MEX3C: variants seen among roughly 807,000 people sequenced by gnomAD.
MEX3C encodes mex-3 RNA binding family member C.
MEX3C carries 15 observed loss-of-function variants against 35.5 expected under a neutral mutation model. The ratio of observed to expected loss-of-function variants is 0.42; its 90% CI spans 0.28 to 0.65. MEX3C has a LOEUF of 0.65. MEX3C is among the 30% of genes least tolerant of loss of function. The probability of loss-of-function intolerance (pLI) is 0.20; values close to 1 mark genes in which losing one functional copy is unlikely to be tolerated. For missense variants in MEX3C, 711 were observed against 842.8 expected, an observed-to-expected ratio of 0.84 and a Z score of 1.94; for synonymous variants, 390 against 352.8, an observed-to-expected ratio of 1.11 and a Z score of -1.18.
rs779099090 is a variant in MEX3C at position 51,176,819 on chromosome 18, T to C, written c.1512A>G (p.Thr504=). The part of the protein sequence containing the change: ...VDSPAFDSLP[T]SAQTIWTPFE... ...ATGGAGTCCAGATAGTTTGAGCAGA[T>C]GTTGGTAAAGAGTCAAAGGCAGGAG... Residue 504 remains threonine, a synonymous_variant, in exon 2 of 2, where the codon ACA becomes ACG. Transcript: ENST00000406189. The C allele has an allele frequency of 1.1e-5, 17 of 1,613,802 alleles. No homozygotes were observed. In the South Asian group the frequency reaches 1.2e-4, roughly 11 times the overall value.
In MEX3C at chr18:51,191,246, G is replaced by C. The variant is rs1237501243; in HGVS notation, c.754+5321C>G. Among the ~76,000 whole-genome samples the C allele has an allele frequency of 3.9e-5, 6 of 152,280 alleles. No homozygotes were observed. The East Asian group carries it at 1.2e-3, about 29-fold the overall frequency. ...CTTTCTCAGCCTTTTGAAGTTAGGT[G>C]TGGCCAGATGATTTGCTTTAATGAA... On this transcript the variant is annotated intron_variant, in intron 1 of 1. Coordinates refer to ENST00000406189, the MANE Select transcript of MEX3C (RefSeq NM_016626.5).
Position 51,193,543 on chromosome 18 carries a change from G to A in MEX3C, c.754+3024C>T, listed in dbSNP as rs1912704913. On this transcript the variant is annotated intron_variant, in intron 1 of 1. Coordinates refer to ENST00000406189, the MANE Select transcript of MEX3C (RefSeq NM_016626.5). ...AGGTACTATACTTAAAAACAGAGAC[G>A]TTCTAAGTTTATAAAATTAGGTCTT... 4 of 152,058 alleles carry A rather than the reference G, an allele frequency of 2.6e-5. No individual in the cohort carries two copies. The South Asian group carries it at 8.3e-4, about 32-fold the overall frequency. 9.4% of individuals were successfully genotyped at this position (152,058 alleles called of 1,614,324 possible).
intron 1 of MEX3C, among the ~76,000 whole-genome samples, chr18:51,180,994 C>T (rs1018680877): frequency 1.2e-4 from 18 of 152,066 alleles, no homozygotes; most frequent in African/African-American, 4.1e-4. Flanking sequence ...GGGGACTACT[C>T]GAATAGATAC....
Position 51,197,114 on chromosome 18 carries a change from C to A in MEX3C, c.207G>T (p.Ala69=), listed in dbSNP as rs1912826339. 5.4e-6 allele frequency: 6 copies of A among 1,120,434 alleles called. No homozygotes were observed. The highest frequency in any genetic ancestry group is 8.5e-5 in the South Asian group (2 of 23,408). The allele number at this position is 1,120,434 out of a possible 1,614,324, so 69.4% of individuals were successfully genotyped here. A position where few individuals can be genotyped will look rare whatever the true frequency, so the allele number is the denominator to read the frequency against. ...DPSPAEPGAP[A]LRAPAAAAQG... Reference sequence around the variant, plus strand: ...GCGCCGCCGCTGCCGGGGCCCGAAGCGCCGGGGCGCCGGGCTCCGCCGGGC... The same window carrying A: ...GCGCCGCCGCTGCCGGGGCCCGAAGAGCCGGGGCGCCGGGCTCCGCCGGGC... Residue 69 remains alanine, a synonymous_variant, in exon 1 of 2, where the codon GCG becomes GCT. Coordinates refer to ENST00000406189, the MANE Select transcript of MEX3C (RefSeq NM_016626.5).
chr18:51,191,697 A>G (rs1912652485), intron 1 of MEX3C, among the ~76,000 whole-genome samples: 1 of 152,218 alleles, frequency 6.6e-6, no homozygotes, highest in African/African-American at 2.4e-5. Flanking sequence ...TAGCACTTAC[A>G]GTTTCATATA....
intron 1 of MEX3C, among the ~76,000 whole-genome samples, chr18:51,185,747 G>C (rs1912523326): frequency 6.6e-6 from 1 of 152,102 alleles, no homozygotes; most frequent in East Asian, 1.9e-4. Flanking sequence ...CATTGGAATA[G>C]GTGAAGGGAT....
At chr18:51,195,604 T>C (rs548191581) in intron 1 of MEX3C, 2 of 152,250 alleles carry the variant, frequency 1.3e-5, no homozygotes, top group East Asian at 3.9e-4. Flanking sequence ...CTAAACCACA[T>C]TGTCATGCGG....
intron 1 of MEX3C, among the ~76,000 whole-genome samples, chr18:51,178,198 T>C (rs997048351): frequency 9.2e-5 from 14 of 152,150 alleles, no homozygotes; most frequent in African/African-American, 3.1e-4. Context: ...AAGAAACAGA[T>C]ACTGCAGATT....
intron 1 of MEX3C, among the ~76,000 whole-genome samples, chr18:51,190,074 G>A (rs530432545): frequency 1.4e-4 from 22 of 152,164 alleles, no homozygotes; most frequent in African/African-American, 4.8e-4. Flanking sequence ...TATCTTCTCA[G>A]ACTTGATCCT....
intron 1 of MEX3C, among the ~76,000 whole-genome samples, chr18:51,182,017 C>T (rs1912442381): frequency 6.6e-6 from 1 of 152,092 alleles, no homozygotes; most frequent in East Asian, 1.9e-4. Context: ...CATTTCAGCT[C>T]CTTTCAGTCA....
rs1912265210 is a variant in MEX3C, at chr18:51,174,950, G to A, written c.*1401C>T. 1 of 152,492 alleles carries A rather than the reference G, an allele frequency of 6.6e-6. No homozygotes were observed. Among genetic ancestry groups the A allele is most frequent in the Non-Finnish European group, 1.5e-5 (1 of 68,006 alleles). The allele number at this position is 152,492 out of a possible 1,614,324, so 9.4% of individuals were successfully genotyped here. ...TCTACAAGACGGCAGCTAGAGATTA[G>A]GTTTCAATACTGACCATTTACTATC... is the stretch of plus-strand genomic sequence containing the variant. On this transcript the variant is annotated 3_prime_UTR_variant, in exon 2 of 2. Transcript: ENST00000406189.
Position 51,197,089 on chromosome 18 carries a change from GC to G in MEX3C, c.231del (p.Gln78ArgfsTer119). On this transcript the variant is annotated frameshift_variant, in exon 1 of 2. Coordinates refer to ENST00000406189, the MANE Select transcript of MEX3C (RefSeq NM_016626.5). LOFTEE classifies it high-confidence loss of function. ...TCCGCCGCCCGCCGGGCCTGGCCCT[GC>G]GCCGCCGCTGCCGGGGCCCGAAGCG... is the stretch of plus-strand genomic sequence containing the variant. ...APALRAPAAA[A>X]QGQARRAAEL... 1 of 1,216,862 alleles carries G rather than the reference GC, an allele frequency of 8.2e-7. No individual in the cohort carries two copies. The highest frequency in any genetic ancestry group is 1.0e-6 in the Non-Finnish European group (1 of 980,914). 75.4% of individuals were successfully genotyped at this position (1,216,862 alleles called of 1,614,324 possible). A position where few individuals can be genotyped will look rare whatever the true frequency, so the allele number is the denominator to read the frequency against.
chr18:51,178,857 T>G (rs1436468631), intron 1 of MEX3C, among the ~76,000 whole-genome samples: 2 of 141,448 alleles, frequency 1.4e-5, no homozygotes, highest in African/African-American at 5.4e-5. Context: ...TGAAACTCCA[T>G]CTCAAAAAAA....
At chr18:51,181,853 AAT>A (rs1234294330) in intron 1 of MEX3C, among the ~76,000 whole-genome samples, 1 of 152,180 alleles carries the variant, frequency 6.6e-6, no homozygotes, top group African/African-American at 2.4e-5. Flanking sequence ...TTTTCAAATA[AAT>A]ATGATTAAGT....
intron 1 of MEX3C, chr18:51,194,533 A>C (rs558904046): frequency 6.6e-6 from 1 of 152,034 alleles, no homozygotes; most frequent in South Asian, 2.1e-4. Flanking sequence ...TTCTATAAAG[A>C]TTAACAACAT....
Position 51,176,837 on chromosome 18 carries a change from G to A in MEX3C, c.1494C>T (p.Ala498=), listed in dbSNP as rs1269606642. The stretch of plus-strand genomic sequence containing the variant: ...GAGCAGATGTTGGTAAAGAGTCAAA[G>A]GCAGGAGAGTCAACTGCTAGGTCTT... ...GSEDLAVDSP[A]FDSLPTSAQT... Residue 498 remains alanine, a synonymous_variant, in exon 2 of 2, where the codon GCC becomes GCT. Transcript: ENST00000406189. 6.2e-7 allele frequency: 1 copy of A among 1,613,958 alleles called. No homozygotes were observed. The highest frequency in any genetic ancestry group is 1.6e-4 in the Middle Eastern group (1 of 6,062).
Position 51,175,516 on chromosome 18 carries a change from C to T in MEX3C, c.*835G>A, listed in dbSNP as rs753342179. 6.6e-6 allele frequency: 1 copy of T among 152,554 alleles called. No homozygotes were observed. Among genetic ancestry groups the T allele is most frequent in the Admixed American group, 6.5e-5 (1 of 15,270 alleles). The allele number at this position is 152,554 out of a possible 1,614,324, so 9.5% of individuals were successfully genotyped here. A position where few individuals can be genotyped will look rare whatever the true frequency, so the allele number is the denominator to read the frequency against. On this transcript the variant is annotated 3_prime_UTR_variant, in exon 2 of 2. Transcript: ENST00000406189. ...TATGGATTGAACATAAAATGTTTCA[C>T]ATTTTGATCTATAGTCTAAAAATTA... is the stretch of plus-strand genomic sequence containing the variant.
chr18:51,184,580 T>G (rs1238492863), intron 1 of MEX3C, among the ~76,000 whole-genome samples: 1 of 152,162 alleles, frequency 6.6e-6, no homozygotes, highest in Non-Finnish European at 1.5e-5. Flanking sequence ...CTTTTGGCTG[T>G]GTGTGATGCC....
At chr18:51,183,372 G>T (rs1450252335) in intron 1 of MEX3C, among the ~76,000 whole-genome samples, 1 of 152,146 alleles carries the variant, frequency 6.6e-6, no homozygotes, top group African/African-American at 2.4e-5. Context: ...ATGTGATAAA[G>T]AATTGAGTTA....
Sources: gnomAD v4.1 joint callset for allele counts (sites outside exome capture counted in the v4.1 genomes callset) on GRCh38, gnomAD v4.1.1 for gene constraint, MANE v1.5 for transcripts, NCBI Gene and HGNC (gene_info 2026-07-23, HGNC 2026-07-21) for gene names.